MLF1: variants seen among roughly 807,000 people sequenced by gnomAD.
The protein encoded by MLF1 is myelodysplasia-myeloid leukemia factor 1.
A neutral mutation model predicts 38.3 loss-of-function variants in MLF1; 37 were observed. The observed-to-expected ratio is 0.96, with a 90% CI of 0.74 to 1.27. The LOEUF (loss-of-function observed/expected upper bound fraction) is 1.27, where lower values mean the gene tolerates loss of function less well. MLF1 is among the 50% of genes most tolerant of loss of function. The pLI is 0.00. For synonymous variants in MLF1, 95 were observed against 106.5 expected, an observed-to-expected ratio of 0.89 and a Z score of 0.66; for missense variants, 331 against 349.2, an observed-to-expected ratio of 0.95 and a Z score of 0.42.
intron 4 of MLF1, 128 bp downstream of exon 4, chr3:158,597,073 G>A: frequency 7.4e-6 from 4 of 540,850 alleles, no homozygotes; most frequent in Non-Finnish European, 1.3e-5. Flanking sequence ...AACCCAATAA[G>A]CAATATTTGT....
At chr3:158,573,809 G>GTGTT (rs1560093108) in intron 1 of MLF1, among the ~76,000 whole-genome samples, 1 of 133,538 alleles carries the variant, frequency 7.5e-6, no homozygotes, top group Non-Finnish European at 1.7e-5. Flanking sequence ...TTGTGCGTCT[G>GTGTT]TGTTTGTTTG....
At position 158,605,086 on chromosome 3, in the gene MLF1, A is replaced by G. The variant is rs1382236013; in HGVS notation, c.747-11A>G. 2.5e-6 allele frequency: 4 copies of G among 1,596,952 alleles called. No homozygotes were observed. The highest frequency in any genetic ancestry group is 8.6e-7 in the Non-Finnish European group (1 of 1,166,648). ...TTAAATGATATTAATATTCACATGTATATTTCTCAGGGAGAAACCTCAACA... is the reference window on the plus strand; with the variant it reads ...TTAAATGATATTAATATTCACATGTGTATTTCTCAGGGAGAAACCTCAACA... On this transcript the variant is annotated splice_polypyrimidine_tract_variant and intron_variant, in intron 7 of 7. Transcript: ENST00000466246.
In MLF1 at chr3:158,605,271, A is replaced by G. The variant is rs1258941803; in HGVS notation, c.*69A>G. 5 of 1,198,870 alleles carry G rather than the reference A, an allele frequency of 4.2e-6. No homozygotes were observed. Among genetic ancestry groups the G allele is most frequent in the Non-Finnish European group, 6.0e-6 (5 of 837,842 alleles). The allele number at this position is 1,198,870 out of a possible 1,614,324, so 74.3% of individuals were successfully genotyped here. A position where few individuals can be genotyped will look rare whatever the true frequency, so the allele number is the denominator to read the frequency against. ...TTAGTAATGGTGCTGGGTAATAAGCATAAGACCAATCTCTTGCTGTTAAAT... is the reference window on the plus strand; with the variant it reads ...TTAGTAATGGTGCTGGGTAATAAGCGTAAGACCAATCTCTTGCTGTTAAAT... On this transcript the variant is annotated 3_prime_UTR_variant, in exon 8 of 8. Coordinates refer to ENST00000466246, the MANE Select transcript of MLF1 (RefSeq NM_001369783.1).
chr3:158,600,615 T>C (rs1195810634), intron 6 of MLF1, among the ~76,000 whole-genome samples: 1 of 151,660 alleles, frequency 6.6e-6, no homozygotes, highest in Non-Finnish European at 1.5e-5. Flanking sequence ...ATTCTACTTT[T>C]ATATAGTTTA....
chr3:158,583,477 A>C lies in MLF1; in HGVS notation c.48-8957A>C, dbSNP rs571394536. Among the ~76,000 whole-genome samples the C allele has an allele frequency of 6.6e-5, 10 of 152,352 alleles. 1 individual carries two copies. The South Asian group carries it at 2.1e-3, about 32-fold the overall frequency. On this transcript the variant is annotated intron_variant, in intron 1 of 7. Transcript: ENST00000466246. ...GGAAGAACAAGAAAATCAGCTAGAGAAGCTAATTTAATAGAAAAAAGGTAT... is the reference window on the plus strand; with the variant it reads ...GGAAGAACAAGAAAATCAGCTAGAGCAGCTAATTTAATAGAAAAAAGGTAT...
chr3:158,588,676 A>G (rs1717682475), intron 1 of MLF1, among the ~76,000 whole-genome samples: 3 of 152,102 alleles, frequency 2.0e-5, no homozygotes, highest in Admixed American at 2.0e-4. Flanking sequence ...GCTTTCATCT[A>G]AAGACAGGAA....
intron 1 of MLF1, chr3:158,590,794 T>C (rs1266217804): frequency 2.6e-5 from 12 of 455,786 alleles, no homozygotes; most frequent in South Asian, 1.7e-4. Flanking sequence ...TACATCTTAA[T>C]TATGGTGGAG....
chr3:158,593,451 T>C, intron 3 of MLF1, 25 bp downstream of exon 3: 1 of 1,531,012 alleles, frequency 6.5e-7, no homozygotes, highest in Non-Finnish European at 8.8e-7. Flanking sequence ...ACACAAATCA[T>C]TTTAGCAATA....
intron 1 of MLF1, among the ~76,000 whole-genome samples, chr3:158,574,504 C>CCA (rs1715067381): frequency 4.6e-5 from 2 of 43,776 alleles, no homozygotes; most frequent in Non-Finnish European, 8.3e-5. Context: ...CCCATCTGTA[C>CCA]TAAAAAAAAA....
intron 1 of MLF1, among the ~76,000 whole-genome samples, chr3:158,584,501 A>G (rs1716901047): frequency 6.6e-6 from 1 of 152,328 alleles, no homozygotes; most frequent in East Asian, 1.9e-4. Context: ...AATGTGACCC[A>G]TTCTCCAGAT....
Position 158,571,596 on chromosome 3 carries a change from A to T in MLF1, c.47+249A>T, listed in dbSNP as rs1385953655. On this transcript the variant is annotated intron_variant, in intron 1 of 7. Coordinates refer to ENST00000466246, the MANE Select transcript of MLF1 (RefSeq NM_001369783.1). ...AGAGGAGGGTTTGGACGCGTGAGGT[A>T]GGCGGAGGGAAGTTTGGGGGCGTGA... 1.5e-4 allele frequency among the ~76,000 whole-genome samples: 15 copies of T among 99,950 alleles called. No individual in the cohort carries two copies. The Admixed American group carries it at 1.8e-3, about 12-fold the overall frequency. The allele number at this position is 99,950 out of a possible 152,430, so 65.6% of individuals were successfully genotyped here. A position where few individuals can be genotyped will look rare whatever the true frequency, so the allele number is the denominator to read the frequency against.
At chr3:158,604,129 A>C (rs1433542038) in intron 7 of MLF1, among the ~76,000 whole-genome samples, 2 of 152,208 alleles carry the variant, frequency 1.3e-5, no homozygotes, top group African/African-American at 4.8e-5. Flanking sequence ...TTTCTTCTAA[A>C]ATACTTGTTT....
chr3:158,600,317 G>A, intron 6 of MLF1, 144 bp downstream of exon 6: 1 of 424,956 alleles, frequency 2.4e-6, no homozygotes, highest in Non-Finnish European at 4.0e-6. Context: ...TAATAGGATT[G>A]TGTTTTCATC....
chr3:158,587,537 C>T (rs1337493061), intron 1 of MLF1, among the ~76,000 whole-genome samples: 1 of 152,164 alleles, frequency 6.6e-6, no homozygotes, highest in Non-Finnish European at 1.5e-5. Flanking sequence ...GAGTTCAAAA[C>T]AATGCATTGC....
At chr3:158,573,999 G>C (rs193067346) in intron 1 of MLF1, among the ~76,000 whole-genome samples, 3 of 152,164 alleles carry the variant, frequency 2.0e-5, no homozygotes, top group South Asian at 4.2e-4. Context: ...AGGTTTCGCC[G>C]TGTTACCCAG....
chr3:158,600,012 A>C lies in MLF1; in HGVS notation c.454-2A>C, dbSNP rs760456993. 2.2e-6 allele frequency: 3 copies of C among 1,362,494 alleles called. No individual in the cohort carries two copies. The highest frequency in any genetic ancestry group is 2.8e-5 in the Admixed American group (1 of 35,514). The allele number at this position is 1,362,494 out of a possible 1,614,324, so 84.4% of individuals were successfully genotyped here. On this transcript the variant is annotated splice_acceptor_variant, in intron 5 of 7. Transcript: ENST00000466246. LOFTEE classifies it high-confidence loss of function. The stretch of plus-strand genomic sequence containing the variant: ...AATAATAAAATTTCTTTATTTTTAC[A>C]GATAAAGGAAACCAGGAAAGCAATG...
Position 158,605,283 on chromosome 3 carries a change from T to C in MLF1, c.*81T>C, listed in dbSNP as rs1044533304. 1 of 1,085,392 alleles carries C rather than the reference T, an allele frequency of 9.2e-7. No homozygotes were observed. The highest frequency in any genetic ancestry group is 1.3e-6 in the Non-Finnish European group (1 of 747,660). 67.2% of individuals were successfully genotyped at this position (1,085,392 alleles called of 1,614,324 possible). A position where few individuals can be genotyped will look rare whatever the true frequency, so the allele number is the denominator to read the frequency against. ...CTGGGTAATAAGCATAAGACCAATC[T>C]CTTGCTGTTAAATCAGTTCTGTCCT... On this transcript the variant is annotated 3_prime_UTR_variant, in exon 8 of 8. Coordinates refer to ENST00000466246, the MANE Select transcript of MLF1 (RefSeq NM_001369783.1).
chr3:158,589,130 G>A (rs1473247790), intron 1 of MLF1, among the ~76,000 whole-genome samples: 1 of 152,010 alleles, frequency 6.6e-6, no homozygotes, highest in Non-Finnish European at 1.5e-5. Context: ...GCCAAGAAAT[G>A]GTAGGGGGAC....
Position 158,600,009 on chromosome 3 carries a change from T to C in MLF1, c.454-5T>C. On this transcript the variant is annotated splice_region_variant and splice_polypyrimidine_tract_variant and intron_variant, in intron 5 of 7. Coordinates refer to ENST00000466246, the MANE Select transcript of MLF1 (RefSeq NM_001369783.1). Reference sequence around the variant, plus strand: ...AATAATAATAAAATTTCTTTATTTTTACAGATAAAGGAAACCAGGAAAGCA... The same window carrying C: ...AATAATAATAAAATTTCTTTATTTTCACAGATAAAGGAAACCAGGAAAGCA... 7.4e-7 allele frequency: 1 copy of C among 1,355,676 alleles called. No homozygotes were observed. Among genetic ancestry groups the C allele is most frequent in the Non-Finnish European group, 9.6e-7 (1 of 1,041,862 alleles). 84.0% of individuals were successfully genotyped at this position (1,355,676 alleles called of 1,614,324 possible).
Sources: allele counts gnomAD v4.1 joint callset (sites outside exome capture counted in the v4.1 genomes callset), GRCh38; gene constraint gnomAD v4.1.1; transcripts MANE v1.5; gene names NCBI Gene and HGNC (gene_info 2026-07-23, HGNC 2026-07-21).